Variants in PEG3 observed in about 807,000 individuals in gnomAD.
PEG3 encodes the protein paternally expressed 3.
Under a neutral mutation model 35.5 loss-of-function variants are expected in PEG3, and 23 were observed. The observed-to-expected ratio is 0.65, with a 90% confidence interval of 0.47 to 0.92. PEG3 has a LOEUF of 0.92. PEG3 is among the 40% of genes least tolerant of loss of function. The pLI is 0.00. For missense variants in PEG3, 1,960 were observed against 1,985.3 expected, an observed-to-expected ratio of 0.99 and a Z score of 0.24; for synonymous variants, 707 against 697.0, an observed-to-expected ratio of 1.01 and a Z score of -0.23.
chr19:56,822,114 C>G (rs111541036), intron 6 of PEG3, among the ~76,000 whole-genome samples: 1 of 152,146 alleles, frequency 6.6e-6, no homozygotes, highest in African/African-American at 2.4e-5. Flanking sequence ...CATCAGAGAC[C>G]GTCCCACAGG....
chr19:56,838,856 CCT>C (rs2062558597), intron 1 of PEG3, among the ~76,000 whole-genome samples: 1 of 152,194 alleles, frequency 6.6e-6, no homozygotes, highest in African/African-American at 2.4e-5. Context: ...CCCGCCCCTC[CCT>C]GTGGACAACC....
rs1365019350 is a variant in PEG3 at position 56,829,090 on chromosome 19, C to T, written c.-162-2627G>A. 2.6e-5 allele frequency among the ~76,000 whole-genome samples: 4 copies of T among 152,164 alleles called. No homozygotes were observed. The East Asian group carries it at 5.8e-4, about 22-fold the overall frequency. ...CTGCAGCTGGGCGCAGTGGCTCACG[C>T]CTGTAATCCCAGCACTTTGGGAGGC... On this transcript the variant is annotated intron_variant, in intron 2 of 9. Transcript: ENST00000326441.
At chr19:56,822,114 C>T (rs111541036) in intron 6 of PEG3, among the ~76,000 whole-genome samples, 6 of 152,146 alleles carry the variant, frequency 3.9e-5, no homozygotes, top group African/African-American at 9.7e-5. Flanking sequence ...CATCAGAGAC[C>T]GTCCCACAGG....
chr19:56,839,570 A>G (rs2062719118), intron 1 of PEG3, among the ~76,000 whole-genome samples: 1 of 149,188 alleles, frequency 6.7e-6, no homozygotes, highest in Admixed American at 6.6e-5. Flanking sequence ...GCGGGGCCTG[A>G]GTGGATAGTT....
chr19:56,825,336 A>G (rs2060916312), intron 3 of PEG3, among the ~76,000 whole-genome samples: 2 of 152,232 alleles, frequency 1.3e-5, no homozygotes, highest in Non-Finnish European at 2.9e-5. Flanking sequence ...ATTCCCTCAC[A>G]CAGTGAGAAG....
In PEG3 at chr19:56,815,957, C is replaced by T. The variant is rs2059938515; in HGVS notation, c.2485G>A (p.Glu829Lys). 6.3e-7 allele frequency: 1 copy of T among 1,593,426 alleles called. No individual in the cohort carries two copies. Reference sequence around the variant, plus strand: ...CTATGGATAACAGACCTACTGTATTCCCTTCCTTCAGAGGTGTTCCCTCCA... The same window carrying T: ...CTATGGATAACAGACCTACTGTATTTCCTTCCTTCAGAGGTGTTCCCTCCA... Reference protein sequence around the residue: ...RAGGNTSEGREYSRSVIHSLV... With the variant: ...RAGGNTSEGRKYSRSVIHSLV... The change falls in exon 10 of 10, where the codon GAA (glutamate) becomes AAA (lysine). Residue 829 changes from glutamate to lysine, a missense_variant. Around this residue, in one of 5 missense-constraint regions of PEG3, gnomAD observed 798 missense variants for 782.4 expected, o/e 1.02. Coordinates refer to ENST00000326441, the MANE Select transcript of PEG3 (RefSeq NM_006210.3).
chr19:56,817,880 GAC>G, intron 8 of PEG3, 45 bp from the exon 9 acceptor site: 1 of 1,474,598 alleles, frequency 6.8e-7, no homozygotes, highest in Non-Finnish European at 9.5e-7. Context: ...TCAAGTTGAG[GAC>G]CAAGACTCAT....
chr19:56,818,186 C>G lies in PEG3; in HGVS notation c.773-351G>C, dbSNP rs372268207. 3.3e-5 allele frequency among the ~76,000 whole-genome samples: 5 copies of G among 152,336 alleles called. No individual in the cohort carries two copies. The East Asian group carries it at 9.7e-4, about 29-fold the overall frequency. ...CTCGCGACTGCTCTTCCTCCACCCACTCCCTTGAGGCCCCATGGCCTTACA... is the reference window on the plus strand; with the variant it reads ...CTCGCGACTGCTCTTCCTCCACCCAGTCCCTTGAGGCCCCATGGCCTTACA... On this transcript the variant is annotated intron_variant, in intron 8 of 9. Transcript: ENST00000326441.
At position 56,815,998 on chromosome 19, in the gene PEG3, T is replaced by A. The variant is rs2146186345; in HGVS notation, c.2444A>T (p.His815Leu). Residue 815 changes from histidine to leucine, a missense_variant, in exon 10 of 10, where the codon CAT becomes CTT. By Grantham distance (99) the His-to-Leu change is moderately conservative (BLOSUM62 -3). Coordinates refer to ENST00000326441, the MANE Select transcript of PEG3 (RefSeq NM_006210.3). ...STIQSFDAINHQRVRAGGNTS... is the reference protein window; with the variant it reads ...STIQSFDAINLQRVRAGGNTS... Reference sequence around the variant, plus strand: ...GTTCCCTCCAGCACGAACTCTCTGATGGTTGATAGCATCGAAGCTCTGAAT... The same window carrying A: ...GTTCCCTCCAGCACGAACTCTCTGAAGGTTGATAGCATCGAAGCTCTGAAT... The A allele has an allele frequency of 6.3e-7, 1 of 1,587,938 alleles. No homozygotes were observed. The highest frequency in any genetic ancestry group is 1.2e-5 in the South Asian group (1 of 86,164).
intron 1 of PEG3, among the ~76,000 whole-genome samples, chr19:56,836,969 CAAA>C (rs573566620): frequency 6.4e-4 from 75 of 116,924 alleles, no homozygotes; most frequent in African/African-American, 2.5e-3. Flanking sequence ...GACTCTGTCT[CAAA>C]AAAAAAAAAA....
At position 56,813,755 on chromosome 19, in the gene PEG3, A is replaced by G; in HGVS notation, c.4687T>C (p.Tyr1563His). ...TGCCCACAGACGTCACATTTGAAGT[A>G]CTTCTCATCAGCTTGATTGGCACCA... ...TGGANQADEK[Y>H]FKCDVCGQLF... is the part of the protein sequence containing the mutation. The change falls in exon 10 of 10, where the codon TAC becomes CAC. Residue 1563 changes from tyrosine to histidine, a missense_variant. Around this residue, in one of 5 missense-constraint regions of PEG3, gnomAD observed 416 missense variants for 416.7 expected, o/e 1.00. Coordinates refer to ENST00000326441, the MANE Select transcript of PEG3 (RefSeq NM_006210.3). 6.2e-7 allele frequency: 1 copy of G among 1,614,018 alleles called. No homozygotes were observed. The highest frequency in any genetic ancestry group is 8.5e-7 in the Non-Finnish European group (1 of 1,180,026).
chr19:56,824,946 C>T (rs1279306170), intron 3 of PEG3: 8 of 322,522 alleles, frequency 2.5e-5, no homozygotes, highest in South Asian at 7.9e-5. Flanking sequence ...GGAGTTAGCT[C>T]GGCTACTAAC....
In PEG3 at chr19:56,817,131, G is replaced by T. The variant is rs200534773; in HGVS notation, c.1311C>A (p.Pro437=). The T allele has an allele frequency of 3.7e-6, 6 of 1,614,020 alleles. No homozygotes were observed. The highest frequency in any genetic ancestry group is 3.4e-6 in the Non-Finnish European group (4 of 1,179,988). The change falls in exon 10 of 10, where the codon CCC becomes CCA. Residue 437 remains proline, a synonymous_variant. Coordinates refer to ENST00000326441, the MANE Select transcript of PEG3 (RefSeq NM_006210.3). ...CAATTGGCTGTGACTCGGTAAAGGA[G>T]GGGGAGCTGAGGCTGCTCAGGCTGC... The part of the protein sequence containing the change: ...SVSSLSSLSS[P]SFTESQPIDF...
Position 56,812,370 on chromosome 19 carries a change from G to T in PEG3, c.*1305C>A. ...ACAGATGTTAACAAAACAAATTAAG[G>T]CTGCTGGGGAACCTGAGTCCATGTT... is the stretch of plus-strand genomic sequence containing the variant. On this transcript the variant is annotated 3_prime_UTR_variant, in exon 10 of 10. Coordinates refer to ENST00000326441, the MANE Select transcript of PEG3 (RefSeq NM_006210.3). 1 of 984,780 alleles carries T rather than the reference G, an allele frequency of 1.0e-6. No individual in the cohort carries two copies. The highest frequency in any genetic ancestry group is 1.2e-6 in the Non-Finnish European group (1 of 829,490). The allele number at this position is 984,780 out of a possible 1,614,324, so 61.0% of individuals were successfully genotyped here.
At position 56,811,575 on chromosome 19, in the gene PEG3, A is replaced by C. The variant is rs973166072; in HGVS notation, c.*2100T>G. Reference sequence around the variant, plus strand: ...TGGAACGGACACCCTGACTTACAGCAAGTTGCTTTCTGAAAAGGGGCTACC... The same window carrying C: ...TGGAACGGACACCCTGACTTACAGCCAGTTGCTTTCTGAAAAGGGGCTACC... On this transcript the variant is annotated 3_prime_UTR_variant, in exon 10 of 10. Transcript: ENST00000326441. 2 of 985,204 alleles carry C rather than the reference A, an allele frequency of 2.0e-6. No individual in the cohort carries two copies. Among genetic ancestry groups the C allele is most frequent in the African/African-American group, 3.5e-5 (2 of 57,220 alleles). 61.0% of individuals were successfully genotyped at this position (985,204 alleles called of 1,614,324 possible).
rs752440042 is a variant in PEG3, at chr19:56,816,663, C to G, written c.1779G>C (p.Glu593Asp). ...KIHFGDDKDNEREHERERERE... is the reference protein window; with the variant it reads ...KIHFGDDKDNDREHERERERE... ...GTTCACGTTCACGTTCATGTTCACG[C>G]TCATTATCTTTGTCATCCCCAAAGT... Residue 593 changes from glutamate (E) to aspartate (D), a missense_variant, in exon 10 of 10, where the codon GAG becomes GAC. This residue lies in a region of PEG3 where 798 missense variants were observed against 782.4 expected (regional missense o/e 1.02). Coordinates refer to ENST00000326441, the MANE Select transcript of PEG3 (RefSeq NM_006210.3). 2 of 1,613,896 alleles carry G rather than the reference C, an allele frequency of 1.2e-6. No homozygotes were observed. The highest frequency in any genetic ancestry group is 1.7e-6 in the Non-Finnish European group (2 of 1,179,806).
Position 56,818,655 on chromosome 19 carries a change from T to C in PEG3, c.717A>G (p.Lys239=). 1.2e-6 allele frequency: 2 copies of C among 1,614,052 alleles called. No individual in the cohort carries two copies. Among genetic ancestry groups the C allele is most frequent in the Middle Eastern group, 1.7e-4 (1 of 6,054 alleles). Residue 239 remains lysine (K), a synonymous_variant, in exon 8 of 10, where the codon AAA becomes AAG. Transcript: ENST00000326441. ...QNVVDLAEDR[K]PHNTIQDNME... is the part of the protein sequence containing the mutation. ...TGTTGTCCTGGATTGTGTTGTGAGG[T>C]TTCCTGTCCTCAGCGAGGTCCACCA...
Position 56,815,665 on chromosome 19 carries a change from C to A in PEG3, c.2777G>T (p.Ser926Ile), listed in dbSNP as rs2059913472. 6.2e-7 allele frequency: 1 copy of A among 1,614,142 alleles called. No homozygotes were observed. Among genetic ancestry groups the A allele is most frequent in the Non-Finnish European group, 8.5e-7 (1 of 1,179,996 alleles). The change falls in exon 10 of 10, where the codon AGC (serine) becomes ATC (isoleucine). Residue 926 changes from serine (S) to isoleucine (I), a missense_variant. Ser to Ile is a moderately radical substitution (Grantham distance 142). Around this residue, in one of 5 missense-constraint regions of PEG3, gnomAD observed 798 missense variants for 782.4 expected, o/e 1.02. Coordinates refer to ENST00000326441, the MANE Select transcript of PEG3 (RefSeq NM_006210.3). ...CTTCTGGTATTCACGGACATTTGAG[C>A]TGGGAACAGAGAATTCGCCATCCTT... Reference protein sequence around the residue: ...FKKDGEFSVPSSNVREYQKAR... With the variant: ...FKKDGEFSVPISNVREYQKAR...
rs754258890 is a variant in PEG3 at position 56,823,605 on chromosome 19, C to T, written c.469G>A (p.Val157Ile). 1 of 1,614,140 alleles carries T rather than the reference C, an allele frequency of 6.2e-7. No homozygotes were observed. Among genetic ancestry groups the T allele is most frequent in the Admixed American group, 1.7e-5 (1 of 60,024 alleles). The change falls in exon 5 of 10, where the codon GTC becomes ATC. Residue 157 changes from valine to isoleucine, a missense_variant. Physicochemically the swap from Val to Ile is conservative, Grantham distance 29. Transcript: ENST00000326441. ...GGGTACTCACCACTGAAAGAATGGA[C>T]TGAGTGAGGTGGTGAGGACTCTCTT... is the stretch of plus-strand genomic sequence containing the variant. Reference protein sequence around the residue: ...NRRESSPPHSVHSFSDRDWDR... With the variant: ...NRRESSPPHSIHSFSDRDWDR...
Sources: allele counts gnomAD v4.1 joint callset (sites outside exome capture counted in the v4.1 genomes callset), GRCh38; gene constraint gnomAD v4.1.1; regional missense constraint gnomAD v4.1.1; transcripts MANE v1.5; gene names NCBI Gene and HGNC (gene_info 2026-07-23, HGNC 2026-07-21).